The following STK36 variants were observed in gnomAD, a reference collection of about 807,000 sequenced individuals.
STK36 encodes serine/threonine kinase 36.
Under a neutral mutation model 142.2 loss-of-function variants are expected in STK36, and 116 were observed. That is an observed-to-expected ratio of 0.82 (90% CI 0.70 to 0.95). STK36 has a LOEUF of 0.95. Ranked by LOEUF, STK36 falls within the 40% of genes least tolerant of loss-of-function variation. STK36 has a pLI of 0.00. For synonymous variants in STK36, 619 were observed against 641.7 expected (o/e 0.96, Z 0.53); for missense variants, 1,422 against 1,617.2 (o/e 0.88, Z 2.07).
intron 10 of STK36, among the ~76,000 whole-genome samples, chr2:218,682,235 C>T (rs1940556138): frequency 6.6e-6 from 1 of 152,160 alleles, no homozygotes; most frequent in Non-Finnish European, 1.5e-5. Context: ...CCTATAACAA[C>T]ACTTTTACCC....
chr2:218,675,872 A>C (rs1046268352), intron 5 of STK36, among the ~76,000 whole-genome samples, 157 bp from the exon 6 acceptor site: 13 of 152,128 alleles, frequency 8.5e-5, no homozygotes, highest in Admixed American at 5.9e-4. Flanking sequence ...GCCTCATTTT[A>C]GAACCGGAGC....
rs1193427422 is a variant in STK36 at position 218,694,367 on chromosome 2, A to G, written c.2400+40A>G. 1 of 1,584,326 alleles carries G rather than the reference A, an allele frequency of 6.3e-7. No individual in the cohort carries two copies. The highest frequency in any genetic ancestry group is 8.7e-7 in the Non-Finnish European group (1 of 1,153,152). On this transcript the variant is annotated intron_variant, in intron 20 of 26. Coordinates refer to ENST00000295709, the MANE Select transcript of STK36 (RefSeq NM_015690.5). The surrounding 1 kb of genome is among the most constrained non-coding windows in gnomAD (Gnocchi z 4.4). ...TTCACCCTCCTCCCCTTTTCACCCT[A>G]GCATCTACCCCTTGTGGAAGTGGGG...
rs1291715666 is a variant in STK36, at chr2:218,680,069, C to T, written c.1125C>T (p.Pro375=). 1 of 1,614,014 alleles carries T rather than the reference C, an allele frequency of 6.2e-7. No homozygotes were observed. The change falls in exon 9 of 27, where the codon CCC becomes CCT. Residue 375 remains proline (P), a synonymous_variant. Transcript: ENST00000295709. The stretch of plus-strand genomic sequence containing the variant: ...CTAAATCAGGGACTGGAGAGGTGCC[C>T]TCTGCACCTCGGTGAGAAGGGTATA... ...SWAKSGTGEV[P]SAPRENRTTP...
At chr2:218,701,134 ATCT>A (rs926789248) in intron 26 of STK36, among the ~76,000 whole-genome samples, 6 of 126,658 alleles carry the variant, frequency 4.7e-5, no homozygotes, top group African/African-American at 1.4e-4. Context: ...GATGGTGAAG[ATCT>A]TTTTTTTTTT....
intron 26 of STK36, 39 bp downstream of exon 26, chr2:218,699,387 C>T (rs1424802337): frequency 1.9e-6 from 3 of 1,580,626 alleles, no homozygotes; most frequent in Non-Finnish European, 2.6e-6. Flanking sequence ...ATGATCAGGG[C>T]CCCTATAGTT....
intron 11 of STK36, 77 bp from the exon 12 acceptor site, chr2:218,688,620 G>T (rs1940870673): frequency 1.3e-5 from 19 of 1,493,854 alleles, no homozygotes; most frequent in Non-Finnish European, 1.5e-5. Flanking sequence ...GCTCCTTGGG[G>T]ATGCTTGGTA....
At chr2:218,685,307 G>C in intron 11 of STK36, 79 bp downstream of exon 11, 1 of 1,553,634 alleles carries the variant, frequency 6.4e-7, no homozygotes, top group Non-Finnish European at 8.8e-7. Flanking sequence ...GACTTCAGGA[G>C]AAAGAGAAAG....
In STK36 at chr2:218,675,364, T is replaced by C. The variant is rs746084823; in HGVS notation, c.325T>C (p.Leu109=). ...EDQVQAIAAQ[L]VSALYYLHSH... is the part of the protein sequence containing the mutation. ...CTAGGTTCAGGCCATTGCTGCCCAG[T>C]TGGTGTCAGCCCTGTACTATCTGCA... Residue 109 remains leucine, a synonymous_variant, in exon 5 of 27, where the codon TTG becomes CTG. Transcript: ENST00000295709. The C allele has an allele frequency of 2.0e-5, 33 of 1,613,564 alleles. No homozygotes were observed. Among genetic ancestry groups the C allele is most frequent in the Non-Finnish European group, 2.8e-5 (33 of 1,179,736 alleles).
rs751714953 is a variant in STK36, at chr2:218,697,071, C to T, written c.2619C>T (p.Ser873=). 8 of 1,614,066 alleles carry T rather than the reference C, an allele frequency of 5.0e-6. No individual in the cohort carries two copies. Among genetic ancestry groups the T allele is most frequent in the South Asian group, 4.4e-5 (4 of 91,076 alleles). Residue 873 remains serine (S), a synonymous_variant, in exon 23 of 27, where the codon TCC becomes TCT. Transcript: ENST00000295709. ...AGGCTAGCCTAATCAGGGATATGTC[C>T]AGTTCAGAAATGTGGACCGTTTTGT... ...QGKASLIRDM[S]SSEMWTVLWH...
chr2:218,680,650 G>A lies in STK36; in HGVS notation c.1184G>A (p.Arg395Lys). The A allele has an allele frequency of 6.2e-7, 1 of 1,613,700 alleles. No individual in the cohort carries two copies. Among genetic ancestry groups the A allele is most frequent in the Non-Finnish European group, 8.5e-7 (1 of 1,179,904 alleles). ...TGTGAACGAGCATTCCCAGAGGAGA[G>A]GCCAGAGGTGCTGGGCCAGCGGAGC... ...PDCERAFPEE[R>K]PEVLGQRSTD... The change falls in exon 10 of 27, where the codon AGG (arginine) becomes AAG (lysine). Residue 395 changes from arginine to lysine, a missense_variant. Coordinates refer to ENST00000295709, the MANE Select transcript of STK36 (RefSeq NM_015690.5).
chr2:218,686,776 A>G (rs1940797156), intron 11 of STK36, among the ~76,000 whole-genome samples: 1 of 152,210 alleles, frequency 6.6e-6, no homozygotes, highest in Non-Finnish European at 1.5e-5. Flanking sequence ...CCCTTGGGTA[A>G]CTACGTAGGA....
Position 218,692,293 on chromosome 2 carries a change from G to C in STK36, c.1915G>C (p.Gly639Arg). ...VPQLPVHTPQ[G>R]APQVSQPLRE... Reference sequence around the variant, plus strand: ...ACAGCTCCCTGTCCACACTCCCCAAGGTAACCAGAGTGGAGAAGGGAGGTT... The same window carrying C: ...ACAGCTCCCTGTCCACACTCCCCAACGTAACCAGAGTGGAGAAGGGAGGTT... Residue 639 changes from glycine to arginine, a missense_variant and splice_region_variant, in exon 15 of 27, where the codon GGA (glycine) becomes CGA (arginine). Gly to Arg is a moderately radical substitution (Grantham distance 125). Around this residue, in one of 2 missense-constraint regions of STK36, gnomAD observed 962 missense variants for 1,167.5 expected, o/e 0.82. Coordinates refer to ENST00000295709, the MANE Select transcript of STK36 (RefSeq NM_015690.5). The C allele has an allele frequency of 6.2e-7, 1 of 1,614,116 alleles. No individual in the cohort carries two copies. Among genetic ancestry groups the C allele is most frequent in the Middle Eastern group, 1.7e-4 (1 of 6,012 alleles).
At chr2:218,688,901 G>T in intron 12 of STK36, 25 bp downstream of exon 12, 1 of 1,568,366 alleles carries the variant, frequency 6.4e-7, no homozygotes, top group South Asian at 1.2e-5. Context: ...AGAAGCCTCT[G>T]AAGACTTACA....
chr2:218,680,705 G>A lies in STK36; in HGVS notation c.1236+3G>A. ...ATGTAGTGGACCTGGAAAATGAGGT[G>A]AGCCCTAGGGTCTCTTACTGACTTT... is the stretch of plus-strand genomic sequence containing the variant. On this transcript the variant is annotated splice_donor_region_variant and intron_variant, in intron 10 of 26. Coordinates refer to ENST00000295709, the MANE Select transcript of STK36 (RefSeq NM_015690.5). 1 of 1,609,166 alleles carries A rather than the reference G, an allele frequency of 6.2e-7. No individual in the cohort carries two copies. The highest frequency in any genetic ancestry group is 8.5e-7 in the Non-Finnish European group (1 of 1,177,902).
chr2:218,672,870 C>A lies in STK36; in HGVS notation c.41C>A (p.Ser14Tyr). 1 of 1,614,064 alleles carries A rather than the reference C, an allele frequency of 6.2e-7. No homozygotes were observed. Among genetic ancestry groups the A allele is most frequent in the Non-Finnish European group, 8.5e-7 (1 of 1,179,988 alleles). ...GTGTTGGAGATGATTGGAGAAGGCTCTTTTGGGAGGGTGTACAAGGGTCGA... is the reference window on the plus strand; with the variant it reads ...GTGTTGGAGATGATTGGAGAAGGCTATTTTGGGAGGGTGTACAAGGGTCGA... ...YHVLEMIGEG[S>Y]FGRVYKGRRK... The change falls in exon 2 of 27, where the codon TCT becomes TAT. Residue 14 changes from serine (S) to tyrosine (Y), a missense_variant. Physicochemically the swap from Ser to Tyr is moderately radical, Grantham distance 144 (BLOSUM62 -2). Transcript: ENST00000295709.
Position 218,698,960 on chromosome 2 carries a change from A to C in STK36, c.3416A>C (p.His1139Pro), listed in dbSNP as rs747697720. ...TYRLLGHLLQ[H>P]SMALRGALQS... ...AGGCTCCTGGGACACTTGCTCCAAC[A>C]CAGCATGGCCCTGCGTGGGGCACTG... The change falls in exon 26 of 27, where the codon CAC (histidine) becomes CCC (proline). Residue 1139 changes from histidine (H) to proline (P), a missense_variant. This residue lies in a region of STK36 where 962 missense variants were observed against 1,167.5 expected (regional missense o/e 0.82). Coordinates refer to ENST00000295709, the MANE Select transcript of STK36 (RefSeq NM_015690.5). 2.5e-6 allele frequency: 4 copies of C among 1,614,114 alleles called. No individual in the cohort carries two copies. In the Middle Eastern group the frequency reaches 4.9e-4, roughly 200 times the overall value.
intron 21 of STK36, 135 bp from the exon 22 acceptor site, chr2:218,696,392 C>A: frequency 1.4e-6 from 1 of 727,518 alleles, no homozygotes; most frequent in East Asian, 2.6e-5. Flanking sequence ...AATGGTTCCC[C>A]CAGGCCCCAT....
At chr2:218,677,077 G>T (rs189630363) in intron 6 of STK36, among the ~76,000 whole-genome samples, 2 of 152,268 alleles carry the variant, frequency 1.3e-5, no homozygotes, top group East Asian at 3.9e-4. Flanking sequence ...GGGATTACAG[G>T]CATGCACCAC....
At position 218,672,735 on chromosome 2, in the gene STK36, A is replaced by G; in HGVS notation, c.-89-6A>G. On this transcript the variant is annotated splice_region_variant and splice_polypyrimidine_tract_variant and intron_variant, in intron 1 of 26. Coordinates refer to ENST00000295709, the MANE Select transcript of STK36 (RefSeq NM_015690.5). ...TAACATTTTTCCTTTCCCGTGCCCC[A>G]ACTAGGCGTCCCAGATGTTGTGGAA... 7.9e-7 allele frequency: 1 copy of G among 1,273,732 alleles called. No individual in the cohort carries two copies. Among genetic ancestry groups the G allele is most frequent in the South Asian group, 1.3e-5 (1 of 79,794 alleles). 78.9% of individuals were successfully genotyped at this position (1,273,732 alleles called of 1,614,324 possible).
Sources: gnomAD v4.1 joint callset for allele counts (sites outside exome capture counted in the v4.1 genomes callset) on GRCh38, gnomAD v4.1.1 for gene constraint, gnomAD v4.1.1 regional missense constraint, Gnocchi (gnomAD v3.1) non-coding constraint, MANE v1.5 for transcripts, NCBI Gene and HGNC (gene_info 2026-07-23, HGNC 2026-07-21) for gene names.